The following LGI3 variants were observed in gnomAD, a reference collection of about 807,000 sequenced individuals.
The protein encoded by LGI3 is leucine-rich repeat LGI family member 3.
In LGI3, 47 loss-of-function variants were observed where a neutral mutation model predicts 55.4. That is an observed-to-expected ratio of 0.85 (90% CI 0.67 to 1.08). The LOEUF (loss-of-function observed/expected upper bound fraction) is 1.08, where lower values mean the gene tolerates loss of function less well. LGI3 is among the 50% of genes least tolerant of loss of function. The pLI is 0.00. For missense variants in LGI3, 664 were observed against 726.3 expected, an observed-to-expected ratio of 0.91 and a Z score of 0.99; for synonymous variants, 326 against 315.0, an observed-to-expected ratio of 1.04 and a Z score of -0.37.
In LGI3 at chr8:22,156,510, C is replaced by G; in HGVS notation, c.33G>C (p.Gly11=). The change falls in exon 1 of 8, where the codon GGG becomes GGC. Residue 11 remains glycine (G), a synonymous_variant. Coordinates refer to ENST00000306317, the MANE Select transcript of LGI3 (RefSeq NM_139278.4). MAGLRARGGP[G]PGLLALSALG... is the part of the protein sequence containing the mutation. Reference sequence around the variant, plus strand: ...GCGCGGAGAGCGCCAGCAGCCCCGGCCCCGGGCCCCCCCTGGCCCGCAGCC... The same window carrying G: ...GCGCGGAGAGCGCCAGCAGCCCCGGGCCCGGGCCCCCCCTGGCCCGCAGCC... 7.2e-7 allele frequency: 1 copy of G among 1,394,042 alleles called. No individual in the cohort carries two copies. Among genetic ancestry groups the G allele is most frequent in the South Asian group, 1.6e-5 (1 of 62,160 alleles). The allele number at this position is 1,394,042 out of a possible 1,614,324, so 86.4% of individuals were successfully genotyped here. A position where few individuals can be genotyped will look rare whatever the true frequency, so the allele number is the denominator to read the frequency against.
chr8:22,151,967 G>T lies in LGI3; in HGVS notation c.528C>A (p.Cys176Ter), dbSNP rs1827385542. 12 of 1,610,648 alleles carry T rather than the reference G, an allele frequency of 7.5e-6. No individual in the cohort carries two copies. The highest frequency in any genetic ancestry group is 1.0e-5 in the Non-Finnish European group (12 of 1,177,788). Reference protein sequence around the residue: ...DLRGNSLNCDCKVKWLVEWLA... With the variant: ...DLRGNSLNCD ...GCCACTCCACCAACCACTTCACCTTGCAGTCACAGTTGAGTGAGTTGCCCC... is the reference window on the plus strand; with the variant it reads ...GCCACTCCACCAACCACTTCACCTTTCAGTCACAGTTGAGTGAGTTGCCCC... Residue 176 changes from cysteine to a stop codon, truncating the protein, a stop_gained, in exon 6 of 8, where the codon TGC becomes TGA. Transcript: ENST00000306317. LOFTEE classifies it high-confidence loss of function.
Position 22,148,238 on chromosome 8 carries a change from G to A in LGI3, c.1569C>T (p.Asp523=), listed in dbSNP as rs996108167. 20 of 1,613,900 alleles carry A rather than the reference G, an allele frequency of 1.2e-5. No homozygotes were observed. Among genetic ancestry groups the A allele is most frequent in the South Asian group, 5.5e-5 (5 of 91,076 alleles). Reference sequence around the variant, plus strand: ...AGCTGGGGGCCAGGAGTAGCTGGGCGTCCCCAGCAGGCATGTAGCAGAAGG... The same window carrying A: ...AGCTGGGGGCCAGGAGTAGCTGGGCATCCCCAGCAGGCATGTAGCAGAAGG... ...PRAFCYMPAG[D]AQLLLAPSFK... The change falls in exon 8 of 8, where the codon GAC becomes GAT. Residue 523 remains aspartate, a synonymous_variant. Coordinates refer to ENST00000306317, the MANE Select transcript of LGI3 (RefSeq NM_139278.4). The surrounding 1 kb of genome is among the most constrained non-coding windows in gnomAD (Gnocchi z 7.0).
In LGI3 at chr8:22,146,908, A is replaced by T. The variant is rs1827308714; in HGVS notation, c.*1252T>A. The T allele has an allele frequency of 6.6e-6, 1 of 152,238 alleles. No individual in the cohort carries two copies. Among genetic ancestry groups the T allele is most frequent in the Admixed American group, 6.5e-5 (1 of 15,292 alleles). 9.4% of individuals were successfully genotyped at this position (152,238 alleles called of 1,614,324 possible). A position where few individuals can be genotyped will look rare whatever the true frequency, so the allele number is the denominator to read the frequency against. On this transcript the variant is annotated 3_prime_UTR_variant, in exon 8 of 8. Transcript: ENST00000306317. Reference sequence around the variant, plus strand: ...AGTACCCTGGTATCCTGCTACAAGGAGCATCACACCATTTGGGCACATGGT... The same window carrying T: ...AGTACCCTGGTATCCTGCTACAAGGTGCATCACACCATTTGGGCACATGGT...
intron 2 of LGI3, 105 bp from the exon 3 acceptor site, chr8:22,154,736 C>G: frequency 1.1e-5 from 9 of 849,440 alleles, no homozygotes; most frequent in Non-Finnish European, 1.8e-5. Context: ...GACTGCCCTG[C>G]TGCTACCCCT....
At chr8:22,151,763 G>A (rs963123588) in intron 6 of LGI3, 68 bp downstream of exon 6, 3 of 1,566,862 alleles carry the variant, frequency 1.9e-6, no homozygotes, top group Non-Finnish European at 2.6e-6. Flanking sequence ...CAGGGTGGGG[G>A]GTTTCGTGTC....
In LGI3 at chr8:22,156,593, GCTCCCGCGGCTGGGC is replaced by G; in HGVS notation, c.-66_-52del. On this transcript the variant is annotated 5_prime_UTR_variant, in exon 1 of 8. Coordinates refer to ENST00000306317, the MANE Select transcript of LGI3 (RefSeq NM_139278.4). ...CGGCGGCCGCGGCCCCCGCCCCACC[GCTCCCGCGGCTGGGC>G]CACCCCGCGCGGGCTGGCACCTCCC... is the stretch of plus-strand genomic sequence containing the variant. The G allele has an allele frequency of 1.5e-6, 1 of 672,922 alleles. No homozygotes were observed. The allele number at this position is 672,922 out of a possible 1,614,324, so 41.7% of individuals were successfully genotyped here. A position where few individuals can be genotyped will look rare whatever the true frequency, so the allele number is the denominator to read the frequency against.
In LGI3 at chr8:22,156,574, CCG is replaced by C; in HGVS notation, c.-34_-33del. The C allele has an allele frequency of 1.1e-6, 1 of 886,700 alleles. No homozygotes were observed. The highest frequency in any genetic ancestry group is 1.5e-6 in the Non-Finnish European group (1 of 678,342). 54.9% of individuals were successfully genotyped at this position (886,700 alleles called of 1,614,324 possible). On this transcript the variant is annotated 5_prime_UTR_variant, in exon 1 of 8. Coordinates refer to ENST00000306317, the MANE Select transcript of LGI3 (RefSeq NM_139278.4). ...CGCGATCTCTCCCTGGGGCCGGCGGCCGCGGCCCCCGCCCCACCGCTCCCGCG... is the reference window on the plus strand; with the variant it reads ...CGCGATCTCTCCCTGGGGCCGGCGGCCGGCCCCCGCCCCACCGCTCCCGCG...
Position 22,148,821 on chromosome 8 carries a change from G to C in LGI3, c.986C>G (p.Pro329Arg), listed in dbSNP as rs1181906064. ...GATGCGGAAGGCTTCTAGGTCGTTA[G>C]GCTTGCGCACGCGCTGCGGGTCAAT... is the stretch of plus-strand genomic sequence containing the variant. The part of the protein sequence containing the change: ...QDIDPQRVRK[P>R]NDLEAFRIDG... Residue 329 changes from proline to arginine, a missense_variant, in exon 8 of 8, where the codon CCT (proline) becomes CGT (arginine). Coordinates refer to ENST00000306317, the MANE Select transcript of LGI3 (RefSeq NM_139278.4). The surrounding 1 kb of genome is among the most constrained non-coding windows in gnomAD (Gnocchi z 7.0). 2.5e-6 allele frequency: 4 copies of C among 1,614,082 alleles called. No homozygotes were observed.
chr8:22,156,521 C>T lies in LGI3; in HGVS notation c.22G>A (p.Gly8Arg), dbSNP rs1423377599. The change falls in exon 1 of 8, where the codon GGG becomes AGG. Residue 8 changes from glycine to arginine, a missense_variant. Physicochemically the swap from Gly to Arg is moderately radical, Grantham distance 125. Transcript: ENST00000306317. Reference protein sequence around the residue: MAGLRARGGPGPGLLALS... With the variant: MAGLRARRGPGPGLLALS... The stretch of plus-strand genomic sequence containing the variant: ...GCCAGCAGCCCCGGCCCCGGGCCCC[C>T]CCTGGCCCGCAGCCCCGCCATGCTG... The T allele has an allele frequency of 1.5e-6, 2 of 1,360,052 alleles. No homozygotes were observed. The highest frequency in any genetic ancestry group is 1.9e-6 in the Non-Finnish European group (2 of 1,054,838). The allele number at this position is 1,360,052 out of a possible 1,614,324, so 84.2% of individuals were successfully genotyped here.
chr8:22,152,940 C>T (rs1209834512), intron 5 of LGI3, among the ~76,000 whole-genome samples: 5 of 151,084 alleles, frequency 3.3e-5, no homozygotes, highest in African/African-American at 1.2e-4. Flanking sequence ...ATCCCAGCTA[C>T]TCAGGAGGCT....
intron 5 of LGI3, among the ~76,000 whole-genome samples, chr8:22,153,048 TAA>T (rs545574896): frequency 7.6e-6 from 1 of 131,436 alleles, no homozygotes. Flanking sequence ...AGACTCTGTC[TAA>T]AAAAAAAAAA....
chr8:22,153,982 G>A lies in LGI3; in HGVS notation c.480C>T (p.Asp160=), dbSNP rs1827451009. The change falls in exon 5 of 8, where the codon GAC becomes GAT. Residue 160 remains aspartate (D), a synonymous_variant. Transcript: ENST00000306317. ...TLPRDIFRPL[D]ILNDLDLRGN... is the part of the protein sequence containing the mutation. ...TCAGGCCTTACAAGTCATTCAGGAT[G>A]TCCAGGGGCCGGAAGATGTCTCTGG... 4 of 1,613,974 alleles carry A rather than the reference G, an allele frequency of 2.5e-6. No individual in the cohort carries two copies. The highest frequency in any genetic ancestry group is 1.1e-5 in the South Asian group (1 of 91,084).
At position 22,147,899 on chromosome 8, in the gene LGI3, T is replaced by C; in HGVS notation, c.*261A>G. On this transcript the variant is annotated 3_prime_UTR_variant, in exon 8 of 8. Transcript: ENST00000306317. ...GCAGAGCATGGGAAAGGCTGCAGAGTAGGGGGGGCCTGCAGTTGGGGTCAC... is the reference window on the plus strand; with the variant it reads ...GCAGAGCATGGGAAAGGCTGCAGAGCAGGGGGGGCCTGCAGTTGGGGTCAC... The C allele has an allele frequency of 2.1e-6, 1 of 468,952 alleles. No homozygotes were observed. The highest frequency in any genetic ancestry group is 3.8e-6 in the Non-Finnish European group (1 of 263,324). 29.0% of individuals were successfully genotyped at this position (468,952 alleles called of 1,614,324 possible). A position where few individuals can be genotyped will look rare whatever the true frequency, so the allele number is the denominator to read the frequency against.
Position 22,156,553 on chromosome 8 carries a change from A to T in LGI3, c.-11T>A. 1.7e-6 allele frequency: 2 copies of T among 1,184,544 alleles called. No individual in the cohort carries two copies. The highest frequency in any genetic ancestry group is 2.2e-6 in the Non-Finnish European group (2 of 915,022). The allele number at this position is 1,184,544 out of a possible 1,614,324, so 73.4% of individuals were successfully genotyped here. A position where few individuals can be genotyped will look rare whatever the true frequency, so the allele number is the denominator to read the frequency against. ...CCGCAGCCCCGCCATGCTGCCCGCG[A>T]TCTCTCCCTGGGGCCGGCGGCCGCG... On this transcript the variant is annotated 5_prime_UTR_variant, in exon 1 of 8. Transcript: ENST00000306317.
In LGI3 at chr8:22,148,393, G is replaced by A; in HGVS notation, c.1414C>T (p.Pro472Ser). The stretch of plus-strand genomic sequence containing the variant: ...TAGCGGCGGCCACCCACAAGGAAGG[G>A]CTGCAGGGCCAGCGAGCCCCGGGAG... ...LPSRGSLALQ[P>S]FLVGGRRYLA... The change falls in exon 8 of 8, where the codon CCC becomes TCC. Residue 472 changes from proline to serine, a missense_variant. By Grantham distance (74) the Pro-to-Ser change is moderately conservative. Transcript: ENST00000306317. This position sits in a 1 kb window ranked among gnomAD's most constrained non-coding sequence, Gnocchi z 7.0. 6.2e-7 allele frequency: 1 copy of A among 1,613,166 alleles called. No homozygotes were observed. The highest frequency in any genetic ancestry group is 8.5e-7 in the Non-Finnish European group (1 of 1,179,874).
intron 7 of LGI3, among the ~76,000 whole-genome samples, chr8:22,149,613 G>T (rs918563796): frequency 2.0e-4 from 31 of 152,096 alleles, no homozygotes; most frequent in Admixed American, 1.7e-3. Context: ...ATGCCCATGT[G>T]CACCTATACT....
rs1293583547 is a variant in LGI3, at chr8:22,153,970, G to A, written c.492C>T (p.Asp164=). 2 of 1,613,874 alleles carry A rather than the reference G, an allele frequency of 1.2e-6. No homozygotes were observed. The highest frequency in any genetic ancestry group is 1.7e-5 in the Admixed American group (1 of 60,024). Reference sequence around the variant, plus strand: ...AAGAGGCAGGACTCAGGCCTTACAAGTCATTCAGGATGTCCAGGGGCCGGA... The same window carrying A: ...AAGAGGCAGGACTCAGGCCTTACAAATCATTCAGGATGTCCAGGGGCCGGA... ...DIFRPLDILN[D]LDLRGNSLNC... The change falls in exon 5 of 8, where the codon GAC becomes GAT. Residue 164 remains aspartate, a splice_region_variant and synonymous_variant. Transcript: ENST00000306317.
chr8:22,156,626 C>A lies in LGI3; in HGVS notation c.-84G>T. 2.8e-6 allele frequency: 1 copy of A among 359,724 alleles called. No individual in the cohort carries two copies. Among genetic ancestry groups the A allele is most frequent in the Non-Finnish European group, 4.5e-6 (1 of 222,408 alleles). The allele number at this position is 359,724 out of a possible 1,614,324, so 22.3% of individuals were successfully genotyped here. On this transcript the variant is annotated 5_prime_UTR_variant, in exon 1 of 8. Transcript: ENST00000306317. ...GGCTGGGCCACCCCGCGCGGGCTGG[C>A]ACCTCCCTGCCACCGGCAGCTGCTA...
Position 22,156,372 on chromosome 8 carries a change from C to G in LGI3, c.171G>C (p.Ala57=). 6.2e-7 allele frequency: 1 copy of G among 1,606,554 alleles called. No homozygotes were observed. Among genetic ancestry groups the G allele is most frequent in the African/African-American group, 1.3e-5 (1 of 74,204 alleles). The change falls in exon 1 of 8, where the codon GCG becomes GCC. Residue 57 remains alanine (A), a synonymous_variant. Transcript: ENST00000306317. ...RDTAFCVDSK[A]VPRNLPSEVI... ...CCTCCGAGGGCAGGTTCCTGGGCACCGCCTTTGAGTCCACGCAGAAGGCGG... is the reference window on the plus strand; with the variant it reads ...CCTCCGAGGGCAGGTTCCTGGGCACGGCCTTTGAGTCCACGCAGAAGGCGG...
Sources: allele counts gnomAD v4.1 joint callset (sites outside exome capture counted in the v4.1 genomes callset), GRCh38; gene constraint gnomAD v4.1.1; non-coding constraint Gnocchi (gnomAD v3.1); transcripts MANE v1.5; gene names NCBI Gene and HGNC (gene_info 2026-07-23, HGNC 2026-07-21).